The following BAZ1A variants were observed in gnomAD, a reference collection of about 807,000 sequenced individuals.
BAZ1A encodes the protein bromodomain adjacent to zinc finger domain 1A.
In BAZ1A, 50 loss-of-function variants were observed where a neutral mutation model predicts 185.2. The ratio of observed to expected loss-of-function variants is 0.27; its 90% confidence interval spans 0.22 to 0.34. The LOEUF (loss-of-function observed/expected upper bound fraction) is 0.34. Among genes scored for constraint, BAZ1A ranks in the 10% least tolerant of loss-of-function variants. The probability of loss-of-function intolerance (pLI) is 1.00; values close to 1 mark genes in which losing one functional copy is unlikely to be tolerated. For synonymous variants in BAZ1A, 571 were observed against 615.6 expected, an observed-to-expected ratio of 0.93 and a Z score of 1.07; for missense variants, 1,356 against 1,839.9, an observed-to-expected ratio of 0.74 and a Z score of 4.81.
rs941146141 is a variant in BAZ1A, at chr14:34,776,478, C to T, written c.2274G>A (p.Arg758=). 1 of 1,596,978 alleles carries T rather than the reference C, an allele frequency of 6.3e-7. No homozygotes were observed. The change falls in exon 18 of 27, where the codon AGG becomes AGA. Residue 758 remains arginine (R), a synonymous_variant. Coordinates refer to ENST00000360310, the MANE Select transcript of BAZ1A (RefSeq NM_013448.3). The stretch of plus-strand genomic sequence containing the variant: ...TTGTTACACAGTTGATCTGTTCTTG[C>T]CTTGTAAATTCTTTAAATCCATTTT... The part of the protein sequence containing the change: ...RGQNGFKEFT[R]QEQINCVTRE...
At chr14:34,835,352 C>T (rs569295794) in intron 3 of BAZ1A, among the ~76,000 whole-genome samples, 2 of 151,954 alleles carry the variant, frequency 1.3e-5, no homozygotes, top group African/African-American at 4.9e-5. Flanking sequence ...TGAGCCACTG[C>T]ACCCTGCCCA....
At chr14:34,797,708 C>T (rs12323750) in intron 9 of BAZ1A, among the ~76,000 whole-genome samples, 64,510 of 151,842 alleles carry the variant, frequency 0.42, 14,013 homozygotes, top group South Asian at 0.53. Context: ...CGTTCCAAGA[C>T]GGCCGGTCCA....
chr14:34,866,709 T>C (rs1436851677), intron 2 of BAZ1A, among the ~76,000 whole-genome samples: 2 of 152,032 alleles, frequency 1.3e-5, no homozygotes, highest in East Asian at 3.9e-4. Context: ...ACATGAAGTA[T>C]ACTTCTAATA....
chr14:34,757,657 T>C (rs1417733262), intron 25 of BAZ1A, among the ~76,000 whole-genome samples: 2 of 151,164 alleles, frequency 1.3e-5, no homozygotes, highest in African/African-American at 4.9e-5. Context: ...AAAGCAAGAC[T>C]TTGTCTCAAA....
At chr14:34,826,477 T>A (rs1314699699) in intron 3 of BAZ1A, among the ~76,000 whole-genome samples, 1 of 152,238 alleles carries the variant, frequency 6.6e-6, no homozygotes, top group African/African-American at 2.4e-5. Flanking sequence ...AGATCTTTCT[T>A]GTGTTTTAAT....
chr14:34,782,025 G>C (rs1880072533), intron 16 of BAZ1A, among the ~76,000 whole-genome samples: 1 of 152,168 alleles, frequency 6.6e-6, no homozygotes, highest in Non-Finnish European at 1.5e-5. Flanking sequence ...TTGGATGAAG[G>C]TATGCTTTTA....
chr14:34,852,043 T>G (rs1339622033), intron 3 of BAZ1A, among the ~76,000 whole-genome samples: 2 of 151,006 alleles, frequency 1.3e-5, no homozygotes, highest in Non-Finnish European at 3.0e-5. Flanking sequence ...AGGAGAATGG[T>G]GTGAACCCGG....
chr14:34,846,823 A>G (rs2042519783), intron 3 of BAZ1A, among the ~76,000 whole-genome samples: 1 of 152,236 alleles, frequency 6.6e-6, no homozygotes, highest in African/African-American at 2.4e-5. Flanking sequence ...CTTAGATTCC[A>G]GAGAAAGAAC....
intron 3 of BAZ1A, among the ~76,000 whole-genome samples, chr14:34,850,905 G>C (rs995342758): frequency 6.6e-6 from 1 of 152,164 alleles, no homozygotes; most frequent in Non-Finnish European, 1.5e-5. Context: ...GGTAGAACTG[G>C]TGAAGTAGAA....
At chr14:34,769,900 T>C (rs1879099121) in intron 21 of BAZ1A, among the ~76,000 whole-genome samples, 1 of 152,204 alleles carries the variant, frequency 6.6e-6, no homozygotes, top group Admixed American at 6.5e-5. Context: ...AAAAGTGACA[T>C]AGCAAATACC....
chr14:34,800,191 T>C lies in BAZ1A; in HGVS notation c.1128+33A>G, dbSNP rs1881431273. ...ATATGTAAAGTAGTATTACTATATG[T>C]AGAGAGTATAGCTAATATACTCAAA... On this transcript the variant is annotated intron_variant, in intron 9 of 26. Transcript: ENST00000360310. The C allele has an allele frequency of 4.5e-6, 6 of 1,321,658 alleles. No individual in the cohort carries two copies. In the African/African-American group the frequency reaches 4.6e-5, roughly 10 times the overall value. The allele number at this position is 1,321,658 out of a possible 1,614,324, so 81.9% of individuals were successfully genotyped here.
At chr14:34,775,482 T>A (rs1362000368) in intron 18 of BAZ1A, among the ~76,000 whole-genome samples, 1 of 152,206 alleles carries the variant, frequency 6.6e-6, no homozygotes, top group Non-Finnish European at 1.5e-5. Flanking sequence ...CAGGAAATGC[T>A]GCTATCCGAC....
chr14:34,800,419 TA>T (rs1566569366), intron 8 of BAZ1A, 29 bp from the exon 9 acceptor site: 1 of 1,477,322 alleles, frequency 6.8e-7, no homozygotes, highest in East Asian at 2.5e-5. Flanking sequence ...CTTAGAACTA[TA>T]TATATAGACA....
chr14:34,871,218 T>G (rs1413798703), intron 2 of BAZ1A, among the ~76,000 whole-genome samples: 1 of 152,214 alleles, frequency 6.6e-6, no homozygotes, highest in Non-Finnish European at 1.5e-5. Flanking sequence ...CTAGCCAAAA[T>G]TAAAGAATAT....
chr14:34,790,988 G>A (rs1880804900), intron 12 of BAZ1A, among the ~76,000 whole-genome samples: 1 of 152,092 alleles, frequency 6.6e-6, no homozygotes, highest in African/African-American at 2.4e-5. Flanking sequence ...TGGGCATGGT[G>A]GCGCATACCT....
chr14:34,828,706 T>G (rs939265424), intron 3 of BAZ1A: 2 of 152,240 alleles, frequency 1.3e-5, no homozygotes, highest in African/African-American at 4.8e-5. Flanking sequence ...TCTCCTCCTG[T>G]GTATCTTCAG....
chr14:34,872,941 A>C (rs55781609), intron 2 of BAZ1A, among the ~76,000 whole-genome samples: 51,547 of 122,434 alleles, frequency 0.42, 12,844 homozygotes, highest in Non-Finnish European at 0.54. Flanking sequence ...AAAAAAAAAA[A>C]CTTGTCCAAT....
At chr14:34,845,232 A>C (rs2042490370) in intron 3 of BAZ1A, 1 of 148,954 alleles carries the variant, frequency 6.7e-6, no homozygotes, top group Non-Finnish European at 1.5e-5. Flanking sequence ...TTTATTTAAA[A>C]TTATTTTACA....
intron 3 of BAZ1A, among the ~76,000 whole-genome samples, chr14:34,836,541 G>A (rs369817685): frequency 6.6e-6 from 1 of 151,758 alleles, no homozygotes; most frequent in Non-Finnish European, 1.5e-5. Context: ...ATAAGAGACC[G>A]ACCCTCTGTT....
Sources: allele counts gnomAD v4.1 joint callset (sites outside exome capture counted in the v4.1 genomes callset), GRCh38; gene constraint gnomAD v4.1.1; transcripts MANE v1.5; gene names NCBI Gene and HGNC (gene_info 2026-07-23, HGNC 2026-07-21).